The following PTPN13 variants were observed in gnomAD, a reference collection of about 807,000 sequenced individuals.
PTPN13 encodes protein tyrosine phosphatase non-receptor type 13.
PTPN13 carries 191 observed loss-of-function variants against 284.0 expected under a neutral mutation model. The ratio of observed to expected loss-of-function variants is 0.67; its 90% CI spans 0.60 to 0.76. The LOEUF is 0.76. Among genes scored for constraint, PTPN13 ranks in the 30% least tolerant of loss-of-function variants. The pLI, the probability that PTPN13 is intolerant of heterozygous loss-of-function variation, is 0.00. For missense variants in PTPN13, 2,797 were observed against 2,939.9 expected (o/e 0.95, Z 1.12); for synonymous variants, 986 against 1,022.3 (o/e 0.96, Z 0.68).
chr4:86,737,758 TCTCA>T (rs933679850), intron 15 of PTPN13, among the ~76,000 whole-genome samples: 21 of 151,954 alleles, frequency 1.4e-4, no homozygotes, highest in African/African-American at 4.6e-4. Context: ...TGAGACAGAG[TCTCA>T]CTCTGTTGCC....
intron 38 of PTPN13, 140 bp from the exon 39 acceptor site, chr4:86,785,091 A>C (rs1741743483): frequency 1.6e-6 from 1 of 607,496 alleles, no homozygotes; most frequent in African/African-American, 1.9e-5. Flanking sequence ...ATTAGTGTAA[A>C]CTACTTTTCC....
Position 86,807,833 on chromosome 4 carries a change from C to T in PTPN13, c.7019C>T (p.Ala2340Val). 6.2e-7 allele frequency: 1 copy of T among 1,613,998 alleles called. No homozygotes were observed. The highest frequency in any genetic ancestry group is 8.5e-7 in the Non-Finnish European group (1 of 1,179,894). Residue 2340 changes from alanine to valine, a missense_variant, in exon 45 of 48, where the codon GCT becomes GTT. Transcript: ENST00000411767. The stretch of plus-strand genomic sequence containing the variant: ...ATGGTCAGCAACAGACTTCGACTGG[C>T]TCTTGTGAGAATGCAGCAGCTGAAG... ...TTMVSNRLRL[A>V]LVRMQQLKGF... is the part of the protein sequence containing the mutation.
intron 10 of PTPN13, among the ~76,000 whole-genome samples, chr4:86,726,863 G>A (rs1424786143): frequency 6.7e-6 from 1 of 149,428 alleles, no homozygotes; most frequent in African/African-American, 2.4e-5. Flanking sequence ...AATAGGAGTG[G>A]TGAGAGAGGG....
chr4:86,769,932 A>T lies in PTPN13; in HGVS notation c.4653A>T (p.Gly1551=). The T allele has an allele frequency of 6.2e-7, 1 of 1,613,978 alleles. No individual in the cohort carries two copies. The highest frequency in any genetic ancestry group is 1.1e-5 in the South Asian group (1 of 91,078). Residue 1551 remains glycine, a synonymous_variant, in exon 29 of 48, where the codon GGA becomes GGT. Coordinates refer to ENST00000411767, the MANE Select transcript of PTPN13 (RefSeq NM_080683.3). ...PAAESGKIDV[G]DVILKVNGAS... ...CAGAAAGTGGAAAAATTGATGTAGG[A>T]GATGTTATCTTGAAAGTGAATGGAG... is the stretch of plus-strand genomic sequence containing the variant.
At position 86,775,426 on chromosome 4, in the gene PTPN13, T is replaced by C; in HGVS notation, c.5681-16T>C. 6.3e-7 allele frequency: 1 copy of C among 1,595,692 alleles called. No individual in the cohort carries two copies. ...CTTTTATGACTGAGAAAACAAATATTTTCTATTATTTCAAGGTTTTTCCTT... is the reference window on the plus strand; with the variant it reads ...CTTTTATGACTGAGAAAACAAATATCTTCTATTATTTCAAGGTTTTTCCTT... On this transcript the variant is annotated splice_polypyrimidine_tract_variant and intron_variant, in intron 34 of 47. Coordinates refer to ENST00000411767, the MANE Select transcript of PTPN13 (RefSeq NM_080683.3).
intron 3 of PTPN13, among the ~76,000 whole-genome samples, chr4:86,683,148 T>C (rs1014054474): frequency 1.1e-4 from 17 of 150,426 alleles, no homozygotes; most frequent in Non-Finnish European, 2.2e-4. Flanking sequence ...ATAGGGTGTG[T>C]GCGTGTGTGT....
intron 2 of PTPN13, among the ~76,000 whole-genome samples, chr4:86,646,837 TAAAC>T (rs1261871086): frequency 9.2e-5 from 14 of 152,152 alleles, no homozygotes; most frequent in African/African-American, 3.4e-4. Context: ...AGTGAATAGA[TAAAC>T]AAATTGTGAT....
intron 9 of PTPN13, among the ~76,000 whole-genome samples, chr4:86,717,866 A>G (rs1246525291): frequency 6.6e-6 from 1 of 152,172 alleles, no homozygotes; most frequent in African/African-American, 2.4e-5. Flanking sequence ...TAAAAGGTTA[A>G]TTATTCACTG....
intron 30 of PTPN13, among the ~76,000 whole-genome samples, chr4:86,770,814 G>A (rs1739907795): frequency 6.6e-6 from 1 of 152,100 alleles, no homozygotes. Flanking sequence ...AAACAACTCT[G>A]TCCAATAAAA....
intron 2 of PTPN13, among the ~76,000 whole-genome samples, chr4:86,649,163 C>G (rs1724795735): frequency 6.6e-6 from 1 of 152,064 alleles, no homozygotes. Flanking sequence ...TTCTCCCATT[C>G]TGTGGGTTGT....
At chr4:86,622,113 C>T (rs1266159857) in intron 1 of PTPN13, among the ~76,000 whole-genome samples, 6 of 152,164 alleles carry the variant, frequency 3.9e-5, no homozygotes, top group Non-Finnish European at 5.9e-5. Flanking sequence ...CCTGTGTTTT[C>T]TTCCTTCTGA....
At chr4:86,805,251 C>G in intron 43 of PTPN13, 28 bp from the exon 44 acceptor site, 1 of 1,462,476 alleles carries the variant, frequency 6.8e-7, no homozygotes, top group Non-Finnish European at 9.4e-7. Flanking sequence ...CTTATCTCAA[C>G]AAATTTATTT....
At chr4:86,660,405 T>TA (rs201454778) in intron 2 of PTPN13, among the ~76,000 whole-genome samples, 2,135 of 151,556 alleles carry the variant, frequency 0.014, 24 homozygotes, top group South Asian at 0.028. Context: ...GGTTTTTTTT[T>TA]AAAAAAAAGA....
intron 1 of PTPN13, chr4:86,595,730 T>C (rs1308265896): frequency 8.1e-6 from 8 of 985,692 alleles, no homozygotes; most frequent in Admixed American, 6.1e-5. Flanking sequence ...GGGTTTGTTT[T>C]CAAGGCAGGA....
At chr4:86,652,587 C>T (rs114699827) in intron 2 of PTPN13, among the ~76,000 whole-genome samples, 2,139 of 152,244 alleles carry the variant, frequency 0.014, 26 homozygotes, top group Non-Finnish European at 0.021. Flanking sequence ...CATTCCATTT[C>T]CTCCTGGCCT....
chr4:86,615,949 G>C (rs1720501449), intron 1 of PTPN13, among the ~76,000 whole-genome samples: 1 of 152,182 alleles, frequency 6.6e-6, no homozygotes, highest in Non-Finnish European at 1.5e-5. Flanking sequence ...GCAGTAATCT[G>C]ATTTACAGGG....
chr4:86,662,153 G>A (rs1439837819), intron 2 of PTPN13, among the ~76,000 whole-genome samples: 1 of 152,180 alleles, frequency 6.6e-6, no homozygotes, highest in Admixed American at 6.5e-5. Flanking sequence ...GGTGGCAACA[G>A]AAATGCTAGC....
At chr4:86,760,011 T>C (rs1738480992) in intron 23 of PTPN13, among the ~76,000 whole-genome samples, 1 of 152,198 alleles carries the variant, frequency 6.6e-6, no homozygotes, top group African/African-American at 2.4e-5. Context: ...TGGATTCTTA[T>C]GATAAAATAG....
chr4:86,751,185 A>T (rs1041110700), intron 19 of PTPN13, 61 bp downstream of exon 19: 5 of 1,183,880 alleles, frequency 4.2e-6, no homozygotes, highest in African/African-American at 1.5e-5. Context: ...GAAGTGAACA[A>T]GATCATCTTA....
Sources: gnomAD v4.1 joint callset for allele counts (sites outside exome capture counted in the v4.1 genomes callset) on GRCh38, gnomAD v4.1.1 for gene constraint, MANE v1.5 for transcripts, NCBI Gene and HGNC (gene_info 2026-07-23, HGNC 2026-07-21) for gene names.